Variants in C8orf34 observed in about 807,000 individuals in gnomAD.
The protein encoded by C8orf34 is chromosome 8 open reading frame 34.
In C8orf34, 65 loss-of-function variants were observed where a neutral mutation model predicts 68.3. The observed-to-expected ratio is 0.95, with a 90% confidence interval of 0.78 to 1.17. C8orf34 has a LOEUF of 1.17. C8orf34 is among the 50% of genes most tolerant of loss of function. The pLI is 0.00. For synonymous variants in C8orf34, 244 were observed against 241.2 expected (o/e 1.01, Z -0.11); for missense variants, 664 against 655.4 (o/e 1.01, Z -0.14).
At chr8:68,566,352 G>A (rs1230572598) in intron 7 of C8orf34, among the ~76,000 whole-genome samples, 1 of 152,060 alleles carries the variant, frequency 6.6e-6, no homozygotes, top group East Asian at 1.9e-4. Flanking sequence ...CTGTTGTTCC[G>A]TTCTTTGTGT....
At chr8:68,513,315 C>T (rs1036156170) in intron 5 of C8orf34, among the ~76,000 whole-genome samples, 3 of 152,132 alleles carry the variant, frequency 2.0e-5, no homozygotes, top group Non-Finnish European at 4.4e-5. Flanking sequence ...AGCACAGACA[C>T]AGACAGGAAG....
At chr8:68,806,866 C>T (rs1050247312) in intron 12 of C8orf34, among the ~76,000 whole-genome samples, 5 of 152,098 alleles carry the variant, frequency 3.3e-5, no homozygotes, top group Admixed American at 6.5e-5. Context: ...GCAATTTGGG[C>T]GGGGCTCAAC....
At chr8:68,698,023 G>A (rs1820885744) in intron 8 of C8orf34, among the ~76,000 whole-genome samples, 1 of 151,978 alleles carries the variant, frequency 6.6e-6, no homozygotes, top group Non-Finnish European at 1.5e-5. Context: ...ACTCAGTGGG[G>A]TTTTCCGGAG....
chr8:68,515,155 A>G (rs773473181), intron 5 of C8orf34, among the ~76,000 whole-genome samples: 48 of 152,296 alleles, frequency 3.2e-4, no homozygotes, highest in Non-Finnish European at 6.3e-4. Flanking sequence ...AAATATATAC[A>G]ATTTTTGTCA....
In C8orf34 at chr8:68,658,081, A is replaced by G. The variant is rs139767109; in HGVS notation, c.1241+17570A>G. Reference sequence around the variant, plus strand: ...ACACAATCCTTCTCCTCTTCCCCACATATACTTTTTCCATATCAACAATAT... The same window carrying G: ...ACACAATCCTTCTCCTCTTCCCCACGTATACTTTTTCCATATCAACAATAT... On this transcript the variant is annotated intron_variant, in intron 8 of 13. Coordinates refer to ENST00000518698, the MANE Select transcript of C8orf34 (RefSeq NM_052958.4). Among the ~76,000 whole-genome samples, 668 of 152,298 alleles carry G rather than the reference A, an allele frequency of 4.4e-3. 3 individuals are homozygous for G. Among genetic ancestry groups the G allele is most frequent in the African/African-American group, 0.015 (607 of 41,564 alleles).
At chr8:68,628,933 CAT>C (rs751649596) in intron 7 of C8orf34, among the ~76,000 whole-genome samples, 2 of 152,028 alleles carry the variant, frequency 1.3e-5, no homozygotes, top group African/African-American at 2.4e-5. Flanking sequence ...GAAAAGCTCA[CAT>C]ATCTTTGGTC....
intron 12 of C8orf34, among the ~76,000 whole-genome samples, chr8:68,805,405 G>A (rs1026679939): frequency 5.9e-5 from 9 of 152,146 alleles, no homozygotes; most frequent in Non-Finnish European, 1.2e-4. Flanking sequence ...GTATGTTTTG[G>A]GGGGTGTTGT....
chr8:68,583,325 CTATT>C (rs1419517408), intron 7 of C8orf34, among the ~76,000 whole-genome samples: 1 of 152,026 alleles, frequency 6.6e-6, no homozygotes, highest in Non-Finnish European at 1.5e-5. Context: ...TCATTGGGCT[CTATT>C]TATTTAATTT....
intron 2 of C8orf34, among the ~76,000 whole-genome samples, chr8:68,444,134 G>A (rs1024655578): frequency 5.3e-5 from 8 of 151,982 alleles, no homozygotes; most frequent in Admixed American, 1.3e-4. Context: ...TTTTCTCTGT[G>A]TCACTGATAC....
chr8:68,530,658 A>G, intron 6 of C8orf34: 1 of 1,171,658 alleles, frequency 8.5e-7, no homozygotes, highest in South Asian at 1.6e-5. Flanking sequence ...AAGCTAAATA[A>G]ACTTCTTCCT....
At chr8:68,518,886 CAAAAAAA>C (rs56255310) in intron 5 of C8orf34, among the ~76,000 whole-genome samples, 11 of 78,190 alleles carry the variant, frequency 1.4e-4, no homozygotes, top group African/African-American at 5.1e-4. Flanking sequence ...GAGCAAGACT[CAAAAAAA>C]AAAAAAAAAA....
intron 5 of C8orf34, among the ~76,000 whole-genome samples, chr8:68,513,232 AAATACTT>A (rs1290582588): frequency 5.5e-4 from 84 of 152,340 alleles, no homozygotes; most frequent in African/African-American, 1.9e-3. Context: ...TCCCTTGAAA[AAATACTT>A]GATCCAAGCA....
intron 5 of C8orf34, among the ~76,000 whole-genome samples, chr8:68,498,785 G>T (rs1008786488): frequency 2.6e-5 from 4 of 152,084 alleles, no homozygotes; most frequent in African/African-American, 9.7e-5. Context: ...AAAATAAAAT[G>T]CACATTCTAG....
At chr8:68,462,844 G>A (rs1040952915) in intron 3 of C8orf34, among the ~76,000 whole-genome samples, 11 of 152,160 alleles carry the variant, frequency 7.2e-5, no homozygotes, top group Non-Finnish European at 1.6e-4. Context: ...AAGCAGGAAA[G>A]ATCCAAAATT....
intron 1 of C8orf34, among the ~76,000 whole-genome samples, chr8:68,430,977 C>A (rs932917761): frequency 6.6e-6 from 1 of 151,994 alleles, no homozygotes; most frequent in African/African-American, 2.4e-5. Flanking sequence ...TACTCCTTAC[C>A]ACAAACTGAT....
chr8:68,575,211 G>A (rs924521810), intron 7 of C8orf34, among the ~76,000 whole-genome samples: 4 of 151,994 alleles, frequency 2.6e-5, no homozygotes, highest in African/African-American at 7.2e-5. Flanking sequence ...CTTGTACTTA[G>A]CTAACGTGAT....
chr8:68,766,545 A>C (rs1403882644), intron 10 of C8orf34, among the ~76,000 whole-genome samples: 1 of 152,208 alleles, frequency 6.6e-6, no homozygotes, highest in Non-Finnish European at 1.5e-5. Context: ...GTTTAAGATT[A>C]AATCAAAACA....
chr8:68,488,575 A>G (rs1008980940), intron 5 of C8orf34, among the ~76,000 whole-genome samples: 5 of 152,100 alleles, frequency 3.3e-5, no homozygotes, highest in African/African-American at 7.2e-5. Context: ...GGAACTTGCT[A>G]ATGGATTGGA....
At chr8:68,629,592 T>C (rs955379439) in intron 7 of C8orf34, among the ~76,000 whole-genome samples, 2 of 152,182 alleles carry the variant, frequency 1.3e-5, no homozygotes, top group Non-Finnish European at 2.9e-5. Context: ...ATTAATTAAT[T>C]ATCAAATTAT....
Sources: gnomAD v4.1 joint callset for allele counts (sites outside exome capture counted in the v4.1 genomes callset) on GRCh38, gnomAD v4.1.1 for gene constraint, MANE v1.5 for transcripts, NCBI Gene and HGNC (gene_info 2026-07-23, HGNC 2026-07-21) for gene names.